Variants in DRAM2 observed in about 807,000 individuals in gnomAD.
The protein encoded by DRAM2 is DNA damage regulated autophagy modulator 2.
DRAM2 carries 26 observed loss-of-function variants against 33.5 expected under a neutral mutation model. The observed-to-expected ratio is 0.78, with a 90% CI of 0.57 to 1.08. DRAM2 has a LOEUF of 1.08. DRAM2 is among the 50% of genes least tolerant of loss of function. DRAM2 has a pLI of 0.00. For missense variants in DRAM2, 311 were observed against 318.1 expected, an observed-to-expected ratio of 0.98 and a Z score of 0.17; for synonymous variants, 98 against 109.5, an observed-to-expected ratio of 0.89 and a Z score of 0.66.
At position 111,126,314 on chromosome 1, in the gene DRAM2, G is replaced by C; in HGVS notation, c.132-20C>G. 3.3e-6 allele frequency: 5 copies of C among 1,538,140 alleles called. No homozygotes were observed. The highest frequency in any genetic ancestry group is 4.5e-6 in the Non-Finnish European group (5 of 1,114,772). ...GTGTCACTGAAAGAAAAAAAGGAAG[G>C]TATGTGGATTTCTCATACTAGATAA... On this transcript the variant is annotated intron_variant, in intron 4 of 9. Transcript: ENST00000484310.
intron 3 of DRAM2, among the ~76,000 whole-genome samples, chr1:111,131,870 G>A (rs1266005970): frequency 6.6e-6 from 1 of 152,090 alleles, no homozygotes; most frequent in Non-Finnish European, 1.5e-5. Flanking sequence ...CATCTTCACT[G>A]TCACTACTTT....
At chr1:111,127,831 C>T (rs1232267342) in intron 4 of DRAM2, among the ~76,000 whole-genome samples, 2 of 152,060 alleles carry the variant, frequency 1.3e-5, no homozygotes, top group African/African-American at 4.8e-5. Context: ...TATCATAGCA[C>T]TTCATCTCAG....
intron 6 of DRAM2, among the ~76,000 whole-genome samples, chr1:111,121,721 A>G (rs325921): frequency 0.25 from 37,761 of 151,936 alleles, 5,817 homozygotes; most frequent in African/African-American, 0.42. Context: ...CAACCACAGC[A>G]ATAAGAGAAT....
chr1:111,131,304 ATTG>A, intron 4 of DRAM2, 117 bp downstream of exon 4: 1 of 1,102,680 alleles, frequency 9.1e-7, no homozygotes. Flanking sequence ...TATTCCCTTT[ATTG>A]TTGTAATGCC....
At chr1:111,120,401 A>G in intron 7 of DRAM2, 115 bp downstream of exon 7, 1 of 282,690 alleles carries the variant, frequency 3.5e-6, no homozygotes, top group East Asian at 8.1e-5. Context: ...AAAAAAAAAA[A>G]AAAAAAAAAA....
At position 111,117,421 on chromosome 1, in the gene DRAM2, T is replaced by A. The variant is rs1472838544; in HGVS notation, c.*739A>T. The A allele has an allele frequency of 6.6e-6, 1 of 152,116 alleles. No homozygotes were observed. Among genetic ancestry groups the A allele is most frequent in the East Asian group, 1.9e-4 (1 of 5,208 alleles). The allele number at this position is 152,116 out of a possible 1,614,324, so 9.4% of individuals were successfully genotyped here. A position where few individuals can be genotyped will look rare whatever the true frequency, so the allele number is the denominator to read the frequency against. ...ACTAACCCTTGTTTTATATAAAATATGACTAAAGTAAATTTACCTACAGGT... is the reference window on the plus strand; with the variant it reads ...ACTAACCCTTGTTTTATATAAAATAAGACTAAAGTAAATTTACCTACAGGT... On this transcript the variant is annotated 3_prime_UTR_variant, in exon 10 of 10. Transcript: ENST00000484310.
In DRAM2 at chr1:111,139,500, C is replaced by A. The variant is rs1024632132; in HGVS notation, c.-79+1G>T. The A allele has an allele frequency of 6.6e-6, 1 of 152,256 alleles. No homozygotes were observed. The highest frequency in any genetic ancestry group is 1.5e-5 in the Non-Finnish European group (1 of 68,080). The allele number at this position is 152,256 out of a possible 1,614,324, so 9.4% of individuals were successfully genotyped here. On this transcript the variant is annotated splice_donor_variant, in intron 2 of 9. Transcript: ENST00000484310. LOFTEE classifies it low-confidence loss of function (5UTR_SPLICE). ...CCAAAGTATCTGAACCCAGAACTCA[C>A]AACAGGAACGTGTACTCAACAGGAA...
chr1:111,138,571 G>A (rs1368768304), intron 2 of DRAM2, among the ~76,000 whole-genome samples: 3 of 152,180 alleles, frequency 2.0e-5, no homozygotes, highest in South Asian at 2.1e-4. Flanking sequence ...GGATCACGAG[G>A]TCAGGAGATT....
intron 4 of DRAM2, chr1:111,127,952 T>C (rs1651340040): frequency 1.3e-5 from 2 of 152,212 alleles, no homozygotes; most frequent in Admixed American, 1.3e-4. Flanking sequence ...ATTAAAAATA[T>C]ACATAGATGT....
At chr1:111,118,339 T>A in intron 9 of DRAM2, 72 bp from the exon 10 acceptor site, 1 of 970,150 alleles carries the variant, frequency 1.0e-6, no homozygotes, top group Admixed American at 2.3e-5. Flanking sequence ...ATATGTTCTA[T>A]AGGCTACCTT....
chr1:111,119,706 A>T, intron 8 of DRAM2, 171 bp downstream of exon 8: 1 of 595,614 alleles, frequency 1.7e-6, no homozygotes, highest in East Asian at 2.8e-5. Flanking sequence ...TGACAGGAGA[A>T]TATGGAAGGT....
At chr1:111,133,918 C>T (rs1031782037) in intron 3 of DRAM2, among the ~76,000 whole-genome samples, 3 of 152,184 alleles carry the variant, frequency 2.0e-5, no homozygotes, top group African/African-American at 7.2e-5. Flanking sequence ...TTAACAGCAC[C>T]CTTTACTTCC....
intron 4 of DRAM2, among the ~76,000 whole-genome samples, chr1:111,128,902 A>G (rs1023451773): frequency 6.6e-6 from 1 of 152,228 alleles, no homozygotes; most frequent in African/African-American, 2.4e-5. Flanking sequence ...AATCTTAAAT[A>G]TGTACCTTCC....
At chr1:111,138,818 T>C (rs1653865063) in intron 2 of DRAM2, among the ~76,000 whole-genome samples, 1 of 152,192 alleles carries the variant, frequency 6.6e-6, no homozygotes, top group Non-Finnish European at 1.5e-5. Context: ...ATCTCTAACC[T>C]AACCTATCTT....
At chr1:111,123,792 G>A (rs1208288891) in intron 6 of DRAM2, among the ~76,000 whole-genome samples, 1 of 152,018 alleles carries the variant, frequency 6.6e-6, no homozygotes, top group Non-Finnish European at 1.5e-5. Flanking sequence ...AGAGCTGGTT[G>A]TTAAAAAGAG....
chr1:111,137,741 T>C (rs1442145063), intron 2 of DRAM2, among the ~76,000 whole-genome samples, 155 bp from the exon 3 acceptor site: 2 of 152,026 alleles, frequency 1.3e-5, no homozygotes, highest in East Asian at 3.9e-4. Context: ...AGTTGACACT[T>C]GAGTTTTTTA....
intron 4 of DRAM2, among the ~76,000 whole-genome samples, chr1:111,128,444 T>G (rs750110978): frequency 5.3e-5 from 8 of 152,104 alleles, no homozygotes; most frequent in Non-Finnish European, 1.0e-4. Flanking sequence ...TCACATGCAG[T>G]ACCACCAAGG....
chr1:111,136,370 GC>G (rs926436265), intron 3 of DRAM2, among the ~76,000 whole-genome samples: 2 of 151,962 alleles, frequency 1.3e-5, no homozygotes, highest in Admixed American at 6.6e-5. Flanking sequence ...TCTGAGACCA[GC>G]CTGGCCAGCA....
intron 3 of DRAM2, among the ~76,000 whole-genome samples, chr1:111,136,499 C>T (rs1653193284): frequency 6.6e-6 from 1 of 151,928 alleles, no homozygotes; most frequent in Non-Finnish European, 1.5e-5. Context: ...GTAGGAGAAT[C>T]GCTTGACCCA....
Sources: gnomAD v4.1 joint callset for allele counts (sites outside exome capture counted in the v4.1 genomes callset) on GRCh38, gnomAD v4.1.1 for gene constraint, MANE v1.5 for transcripts, NCBI Gene and HGNC (gene_info 2026-07-23, HGNC 2026-07-21) for gene names.